Variants in SNX24 observed in about 807,000 individuals in gnomAD.
The protein encoded by SNX24 is sorting nexin-24.
A neutral mutation model predicts 28.7 loss-of-function variants in SNX24; 22 were observed. The observed-to-expected ratio is 0.77, with a 90% CI of 0.55 to 1.10. The LOEUF (loss-of-function observed/expected upper bound fraction) is 1.10, where lower values mean the gene tolerates loss of function less well. Ranked by LOEUF, SNX24 falls within the 50% of genes least tolerant of loss-of-function variation. The pLI, the probability that SNX24 is intolerant of heterozygous loss-of-function variation, is 0.00. For synonymous variants in SNX24, 69 were observed against 71.5 expected (o/e 0.96, Z 0.18); for missense variants, 221 against 201.1 (o/e 1.10, Z -0.60).
intron 1 of SNX24, among the ~76,000 whole-genome samples, chr5:122,867,410 A>G (rs1272382084): frequency 1.3e-5 from 2 of 152,182 alleles, no homozygotes; most frequent in Non-Finnish European, 2.9e-5. Flanking sequence ...TGCCCCTTTC[A>G]TGATGGAAGC....
intron 1 of SNX24, among the ~76,000 whole-genome samples, chr5:122,911,280 T>C (rs1208909974): frequency 6.6e-6 from 1 of 152,256 alleles, no homozygotes; most frequent in Non-Finnish European, 1.5e-5. Context: ...TTGAGATGTG[T>C]CTGTTCATAT....
intron 3 of SNX24, among the ~76,000 whole-genome samples, chr5:122,974,168 T>C (rs544221051): frequency 7.2e-4 from 110 of 152,322 alleles, no homozygotes; most frequent in Non-Finnish European, 1.2e-3. Context: ...ACAAGGAGTA[T>C]CTCAACAGGC....
intron 3 of SNX24, among the ~76,000 whole-genome samples, chr5:122,957,755 A>T (rs2150135536): frequency 6.6e-6 from 1 of 152,224 alleles, no homozygotes; most frequent in Middle Eastern, 3.4e-3. Context: ...TGGTTAAGTT[A>T]ATTCCTAAGT....
chr5:122,930,344 CT>C (rs1758896300), intron 1 of SNX24, among the ~76,000 whole-genome samples: 1 of 152,134 alleles, frequency 6.6e-6, no homozygotes, highest in Non-Finnish European at 1.5e-5. Flanking sequence ...CTGAGATTGA[CT>C]TTTTGTTGTC....
chr5:122,911,901 C>T (rs1207801983), intron 1 of SNX24, among the ~76,000 whole-genome samples: 5 of 147,652 alleles, frequency 3.4e-5, no homozygotes, highest in South Asian at 2.2e-4. Flanking sequence ...AGTCAGGTAG[C>T]GTGATGCTTC....
chr5:122,997,182 T>C (rs1762078733), intron 3 of SNX24, among the ~76,000 whole-genome samples: 1 of 152,216 alleles, frequency 6.6e-6, no homozygotes, highest in Admixed American at 6.5e-5. Context: ...GAAGTATTAG[T>C]TCTTTTCTCC....
At chr5:122,953,178 C>G (rs1290638033) in intron 3 of SNX24, among the ~76,000 whole-genome samples, 1 of 151,602 alleles carries the variant, frequency 6.6e-6, no homozygotes, top group Non-Finnish European at 1.5e-5. Context: ...AATCTCAGCT[C>G]ACTGTAACCT....
chr5:123,020,109 C>T (rs1762741600), intron 5 of SNX24, among the ~76,000 whole-genome samples: 2 of 152,196 alleles, frequency 1.3e-5, no homozygotes, highest in Non-Finnish European at 2.9e-5. Flanking sequence ...GCGTAAAGCG[C>T]ATGTCCTTCT....
At chr5:122,926,901 ATGGAGAGAGAAGTACCTTC>A (rs1758722923) in intron 1 of SNX24, among the ~76,000 whole-genome samples, 2 of 152,196 alleles carry the variant, frequency 1.3e-5, no homozygotes, top group South Asian at 4.1e-4. Context: ...ACCTCTAGTG[ATGGAGAGAGAAGTACCTTC>A]TCTCCTGTAG....
chr5:122,848,223 C>G (rs918638635), intron 1 of SNX24, among the ~76,000 whole-genome samples: 1 of 152,138 alleles, frequency 6.6e-6, no homozygotes, highest in Non-Finnish European at 1.5e-5. Flanking sequence ...CCCCCTTGGC[C>G]TCTTGAGTAG....
intron 1 of SNX24, among the ~76,000 whole-genome samples, chr5:122,916,137 G>C (rs1758154289): frequency 6.6e-6 from 1 of 152,238 alleles, no homozygotes; most frequent in Admixed American, 6.5e-5. Flanking sequence ...GAGAGTAAAT[G>C]ATCTATCCAA....
chr5:123,000,662 G>T (rs1052807243), intron 4 of SNX24, among the ~76,000 whole-genome samples: 2 of 152,118 alleles, frequency 1.3e-5, no homozygotes, highest in African/African-American at 4.8e-5. Flanking sequence ...ATTAGGAAAA[G>T]CTCTCCCGAA....
chr5:122,971,575 CAGA>C (rs1257386495), intron 3 of SNX24, among the ~76,000 whole-genome samples: 1 of 152,112 alleles, frequency 6.6e-6, no homozygotes, highest in Non-Finnish European at 1.5e-5. Flanking sequence ...TTCATGCAAT[CAGA>C]AGCTCACTAA....
At chr5:122,852,831 G>A (rs1754984553) in intron 1 of SNX24, among the ~76,000 whole-genome samples, 1 of 152,164 alleles carries the variant, frequency 6.6e-6, no homozygotes, top group African/African-American at 2.4e-5. Flanking sequence ...ACCAGATGGA[G>A]TTAAAATAGG....
intron 5 of SNX24, among the ~76,000 whole-genome samples, chr5:123,026,918 G>T (rs2407525): frequency 6.6e-6 from 1 of 152,166 alleles, no homozygotes; most frequent in Non-Finnish European, 1.5e-5. Flanking sequence ...AAGTAGGCTG[G>T]GTGCAGTGGC....
intron 2 of SNX24, 98 bp downstream of exon 2, chr5:122,936,915 T>G (rs888850944): frequency 8.0e-6 from 5 of 621,530 alleles, no homozygotes; most frequent in Admixed American, 2.9e-5. Context: ...TTGATATTTC[T>G]TGTGTATGTA....
intron 3 of SNX24, among the ~76,000 whole-genome samples, chr5:122,970,809 T>A (rs1452041472): frequency 6.6e-6 from 1 of 152,210 alleles, no homozygotes; most frequent in Non-Finnish European, 1.5e-5. Context: ...ACTAGTTTAC[T>A]AACTAACCTC....
downstream of SNX24, among the ~76,000 whole-genome samples, chr5:123,012,526 G>A (rs1026485368): frequency 2.6e-5 from 4 of 152,210 alleles, no homozygotes; most frequent in Non-Finnish European, 5.9e-5. Flanking sequence ...TGGAGAATTA[G>A]TGTTTAATAG....
intron 3 of SNX24, among the ~76,000 whole-genome samples, chr5:122,987,202 A>C (rs1761639445): frequency 6.6e-6 from 1 of 152,068 alleles, no homozygotes; most frequent in African/African-American, 2.4e-5. Flanking sequence ...GAAGAGGATA[A>C]GTTTTGAAAA....
Sources: allele counts gnomAD v4.1 joint callset (sites outside exome capture counted in the v4.1 genomes callset), GRCh38; gene constraint gnomAD v4.1.1; transcripts MANE v1.5; gene names NCBI Gene and HGNC (gene_info 2026-07-23, HGNC 2026-07-21).